Variants in RAPGEF4 observed in about 807,000 individuals in gnomAD.
The protein encoded by RAPGEF4 is RAP guanine-nucleotide-exchange factor (GEF) 4.
RAPGEF4 carries 66 observed loss-of-function variants against 147.9 expected under a neutral mutation model. The ratio of observed to expected loss-of-function variants is 0.45; its 90% CI spans 0.37 to 0.55. The LOEUF (loss-of-function observed/expected upper bound fraction) is 0.55. Ranked by LOEUF, RAPGEF4 falls within the 20% of genes least tolerant of loss-of-function variation. The pLI, the probability that RAPGEF4 is intolerant of heterozygous loss-of-function variation, is 0.00. For missense variants in RAPGEF4, 1,071 were observed against 1,257.3 expected (o/e 0.85, Z 2.24); for synonymous variants, 419 against 442.7 (o/e 0.95, Z 0.67).
chr2:173,032,988 TC>T (rs1697337462), intron 26 of RAPGEF4, among the ~76,000 whole-genome samples: 1 of 152,146 alleles, frequency 6.6e-6, no homozygotes, highest in African/African-American at 2.4e-5. Flanking sequence ...CTTAGCCCTG[TC>T]AGGAGAGAGA....
intron 4 of RAPGEF4, among the ~76,000 whole-genome samples, chr2:172,916,043 G>A (rs1684040330): frequency 6.6e-6 from 1 of 152,214 alleles, no homozygotes; most frequent in African/African-American, 2.4e-5. Flanking sequence ...CACAAGTCCT[G>A]GAATCCAGCC....
At chr2:172,817,148 T>C (rs2149612339) in intron 4 of RAPGEF4, among the ~76,000 whole-genome samples, 1 of 152,364 alleles carries the variant, frequency 6.6e-6, no homozygotes, top group South Asian at 2.1e-4. Context: ...TATGTATATG[T>C]ATGTATGTGG....
At chr2:172,835,318 T>C (rs970937319) in intron 4 of RAPGEF4, among the ~76,000 whole-genome samples, 5 of 152,250 alleles carry the variant, frequency 3.3e-5, no homozygotes, top group Non-Finnish European at 5.9e-5. Flanking sequence ...TAAGTGGCTA[T>C]TGGATTACTG....
intron 1 of RAPGEF4, among the ~76,000 whole-genome samples, chr2:172,759,568 A>G (rs1696098300): frequency 6.6e-6 from 1 of 152,230 alleles, no homozygotes; most frequent in Non-Finnish European, 1.5e-5. Flanking sequence ...TGAAACTCAG[A>G]AGTGATATTA....
intron 4 of RAPGEF4, among the ~76,000 whole-genome samples, chr2:172,899,768 G>A (rs1486271320): frequency 1.3e-5 from 2 of 152,094 alleles, no homozygotes; most frequent in Non-Finnish European, 2.9e-5. Flanking sequence ...GTGAAGGGTG[G>A]GCTGCATTTC....
intron 4 of RAPGEF4, among the ~76,000 whole-genome samples, chr2:172,834,384 T>C (rs1690696528): frequency 6.6e-6 from 1 of 152,032 alleles, no homozygotes; most frequent in Admixed American, 6.6e-5. Context: ...GGAAGAGAGA[T>C]TGAAAGGAGT....
intron 1 of RAPGEF4, among the ~76,000 whole-genome samples, chr2:172,739,699 T>C (rs1694138962): frequency 6.6e-6 from 1 of 152,218 alleles, no homozygotes; most frequent in African/African-American, 2.4e-5. Flanking sequence ...AAAATATTTT[T>C]CCCGTAAGAT....
In RAPGEF4 at chr2:172,804,319, C is replaced by A. The variant is rs1372795714; in HGVS notation, c.297+6706C>A. Among the ~76,000 whole-genome samples the A allele has an allele frequency of 6.6e-5, 10 of 152,288 alleles. No individual in the cohort carries two copies. The East Asian group carries it at 1.9e-3, about 29-fold the overall frequency. On this transcript the variant is annotated intron_variant, in intron 3 of 30. Coordinates refer to ENST00000397081, the MANE Select transcript of RAPGEF4 (RefSeq NM_007023.4). ...ACTGTCTAGGTTAAAAAACACACAGCTTCTTCTGTGTAATTGGTCTAGCAA... is the reference window on the plus strand; with the variant it reads ...ACTGTCTAGGTTAAAAAACACACAGATTCTTCTGTGTAATTGGTCTAGCAA...
chr2:172,865,803 A>C (rs1002948872), intron 4 of RAPGEF4, among the ~76,000 whole-genome samples: 5 of 152,078 alleles, frequency 3.3e-5, no homozygotes, highest in African/African-American at 1.2e-4. Flanking sequence ...GAGTGAAGGG[A>C]GGGAGGCATT....
chr2:172,998,353 A>G (rs975686870), intron 16 of RAPGEF4, among the ~76,000 whole-genome samples: 4 of 152,204 alleles, frequency 2.6e-5, no homozygotes, highest in Admixed American at 6.5e-5. Flanking sequence ...TTACTGGACT[A>G]TTGTATACGT....
chr2:172,806,338 T>G (rs2149581881), intron 3 of RAPGEF4, among the ~76,000 whole-genome samples: 1 of 152,326 alleles, frequency 6.6e-6, no homozygotes, highest in Non-Finnish European at 1.5e-5. Context: ...AGATGCCTAT[T>G]GAAAGCATTA....
chr2:172,755,871 A>C (rs1398415959), intron 1 of RAPGEF4, among the ~76,000 whole-genome samples: 1 of 152,172 alleles, frequency 6.6e-6, no homozygotes, highest in Non-Finnish European at 1.5e-5. Context: ...TTTGGGCTTT[A>C]CCAATTCTAT....
At chr2:172,793,606 A>G (rs552803824) in intron 1 of RAPGEF4, among the ~76,000 whole-genome samples, 1 of 152,362 alleles carries the variant, frequency 6.6e-6, no homozygotes, top group East Asian at 1.9e-4. Flanking sequence ...GATAGTTTCT[A>G]TATAATGTGA....
At position 173,018,650 on chromosome 2, in the gene RAPGEF4, G is replaced by A; in HGVS notation, c.2009-6G>A. 6.2e-7 allele frequency: 1 copy of A among 1,611,830 alleles called. No individual in the cohort carries two copies. The highest frequency in any genetic ancestry group is 8.5e-7 in the Non-Finnish European group (1 of 1,179,150). On this transcript the variant is annotated splice_region_variant and splice_polypyrimidine_tract_variant and intron_variant, in intron 21 of 30. Transcript: ENST00000397081. ...GATTTACTACCTTGTTACTGCCTTT[G>A]GATAGTTCTGTTTAAGGTCTATTGC...
chr2:172,934,758 A>T (rs1201186263), intron 6 of RAPGEF4, among the ~76,000 whole-genome samples: 1 of 144,100 alleles, frequency 6.9e-6, no homozygotes, highest in African/African-American at 2.5e-5. Flanking sequence ...AAAAAAAAAA[A>T]GTTTCAGTAT....
chr2:172,878,480 T>C (rs1282801879), intron 4 of RAPGEF4, among the ~76,000 whole-genome samples: 1 of 152,176 alleles, frequency 6.6e-6, no homozygotes, highest in Admixed American at 6.5e-5. Flanking sequence ...CAGATTGCAG[T>C]GTGTGATTAT....
At chr2:173,001,472 A>C in intron 17 of RAPGEF4, 128 bp downstream of exon 17, 1 of 1,180,246 alleles carries the variant, frequency 8.5e-7, no homozygotes, top group Non-Finnish European at 1.2e-6. Flanking sequence ...CACCCTCATC[A>C]CACTGAAATG....
intron 1 of RAPGEF4, among the ~76,000 whole-genome samples, chr2:172,745,951 G>A (rs1559018842): frequency 6.6e-6 from 1 of 152,110 alleles, no homozygotes; most frequent in Non-Finnish European, 1.5e-5. Flanking sequence ...TTCTGCGAGG[G>A]GGCCAATATA....
intron 10 of RAPGEF4, among the ~76,000 whole-genome samples, chr2:172,972,216 G>C (rs1391881023): frequency 1.3e-5 from 2 of 152,190 alleles, no homozygotes; most frequent in Non-Finnish European, 2.9e-5. Flanking sequence ...GGGCGCGTGA[G>C]AGCCTGTGTA....
Sources: gnomAD v4.1 joint callset for allele counts (sites outside exome capture counted in the v4.1 genomes callset) on GRCh38, gnomAD v4.1.1 for gene constraint, MANE v1.5 for transcripts, NCBI Gene and HGNC (gene_info 2026-07-23, HGNC 2026-07-21) for gene names.